UBE2D3: variants seen among roughly 807,000 people sequenced by gnomAD.
UBE2D3 encodes ubiquitin conjugating enzyme E2 D3, also known as ubiquitin-conjugating enzyme E2 D3.
In UBE2D3, 2 loss-of-function variants were observed where a neutral mutation model predicts 22.8. That is an observed-to-expected ratio of 0.09 (90% CI 0.04 to 0.28). The LOEUF is 0.28. Among genes scored for constraint, UBE2D3 ranks in the 10% least tolerant of loss-of-function variants. The pLI, the probability that UBE2D3 is intolerant of heterozygous loss-of-function variation, is 1.00. For missense variants in UBE2D3, 27 were observed against 182.5 expected (o/e 0.15, Z 4.91); for synonymous variants, 56 against 60.4 (o/e 0.93, Z 0.34).
At chr4:102,825,895 C>G in intron 2 of UBE2D3, 1 of 414,662 alleles carries the variant, frequency 2.4e-6, no homozygotes, top group South Asian at 1.7e-5. Flanking sequence ...TGTGTCATTC[C>G]ATCTCCTCCC....
chr4:102,860,835 G>A (rs1366173441), intron 1 of UBE2D3, among the ~76,000 whole-genome samples: 1 of 151,838 alleles, frequency 6.6e-6, no homozygotes. Flanking sequence ...TAGTGGGTGG[G>A]TGCATGGAGT....
chr4:102,852,924 C>G (rs997037535), intron 1 of UBE2D3, among the ~76,000 whole-genome samples: 1 of 152,076 alleles, frequency 6.6e-6, no homozygotes, highest in Non-Finnish European at 1.5e-5. Context: ...ACATTTTTCC[C>G]AGTCTGAAAA....
chr4:102,844,945 C>A (rs931902462), intron 1 of UBE2D3, among the ~76,000 whole-genome samples: 4 of 149,634 alleles, frequency 2.7e-5, no homozygotes, highest in Non-Finnish European at 4.4e-5. Flanking sequence ...TGGCGTGAAC[C>A]TGGGAGGCGG....
At chr4:102,851,672 GTTTT>G (rs11422292) in intron 1 of UBE2D3, among the ~76,000 whole-genome samples, 1 of 137,112 alleles carries the variant, frequency 7.3e-6, no homozygotes. Flanking sequence ...TTTGTTTTTT[GTTTT>G]TTTTTTTTGA....
intron 1 of UBE2D3, among the ~76,000 whole-genome samples, chr4:102,856,707 T>A (rs1369238365): frequency 6.6e-6 from 1 of 152,246 alleles, no homozygotes; most frequent in Non-Finnish European, 1.5e-5. Context: ...CTAGAAATGT[T>A]CTATGTATAA....
At chr4:102,808,693 G>C (rs1173865589) in intron 4 of UBE2D3, among the ~76,000 whole-genome samples, 1 of 152,100 alleles carries the variant, frequency 6.6e-6, no homozygotes, top group Non-Finnish European at 1.5e-5. Flanking sequence ...CTCTAATACA[G>C]TGTAAGTTCC....
intron 1 of UBE2D3, among the ~76,000 whole-genome samples, chr4:102,859,154 T>C (rs1732762591): frequency 6.6e-6 from 1 of 152,000 alleles, no homozygotes; most frequent in Non-Finnish European, 1.5e-5. Flanking sequence ...CATCTTTCCT[T>C]TTCTGAATGA....
At position 102,797,377 on chromosome 4, in the gene UBE2D3, C is replaced by T; in HGVS notation, c.*38G>A. ...AAGGAACAGTAATTTAAAGTTTATT[C>T]CAGCTATAATGCAGGTTATTCTGAC... On this transcript the variant is annotated 3_prime_UTR_variant, in exon 8 of 8. Coordinates refer to ENST00000453744, the MANE Select transcript of UBE2D3 (RefSeq NM_181891.3). The T allele has an allele frequency of 1.3e-6, 2 of 1,538,866 alleles. No individual in the cohort carries two copies. Among genetic ancestry groups the T allele is most frequent in the Non-Finnish European group, 8.8e-7 (1 of 1,131,382 alleles).
Position 102,822,830 on chromosome 4 carries a change from G to C in UBE2D3, c.24+3655C>G, listed in dbSNP as rs568524817. On this transcript the variant is annotated intron_variant, in intron 2 of 7. Coordinates refer to ENST00000453744, the MANE Select transcript of UBE2D3 (RefSeq NM_181891.3). ...GGGCGCCTGTAGTCCCAGCTACTCA[G>C]GAGGCTGAGGCAGGAGAATGGCGTG... Among the ~76,000 whole-genome samples, 6 of 152,318 alleles carry C rather than the reference G, an allele frequency of 3.9e-5. No individual in the cohort carries two copies. The South Asian group carries it at 8.3e-4, about 21-fold the overall frequency.
rs572931167 is a variant in UBE2D3, at chr4:102,799,595, A to C, written c.305-95T>G. ...TATTACAAAACTCAATCCTCAAAAG[A>C]CTTTTATTAGTTTGTATCTTTATCT... On this transcript the variant is annotated intron_variant, in intron 6 of 7. Transcript: ENST00000453744. The C allele has an allele frequency of 1.1e-3, 972 of 845,768 alleles. 3 individuals are homozygous for C. Among genetic ancestry groups the C allele is most frequent in the Middle Eastern group, 9.3e-3 (40 of 4,324 alleles). The allele number at this position is 845,768 out of a possible 1,614,324, so 52.4% of individuals were successfully genotyped here.
At chr4:102,828,209 C>T (rs1205370396), upstream of UBE2D3, 1 of 985,282 alleles carries the variant, frequency 1.0e-6, no homozygotes. Context: ...CAGACACAGC[C>T]TTGTCTCACG....
At chr4:102,817,413 T>A (rs1486271423) in intron 2 of UBE2D3, among the ~76,000 whole-genome samples, 2 of 152,216 alleles carry the variant, frequency 1.3e-5, no homozygotes, top group East Asian at 1.9e-4. Flanking sequence ...AGAGCTCATC[T>A]TCTCTGTTTT....
chr4:102,826,769 G>T, intron 1 of UBE2D3, 133 bp from the exon 2 acceptor site: 1 of 1,295,574 alleles, frequency 7.7e-7, no homozygotes, highest in Admixed American at 3.8e-5. Context: ...CCTCTGTACC[G>T]TGCTTTCGGC....
At chr4:102,809,492 A>AGTAC in intron 4 of UBE2D3, 180 bp downstream of exon 4, 1 of 668,280 alleles carries the variant, frequency 1.5e-6, no homozygotes. Context: ...ATAGACACAA[A>AGTAC]GTACACGTAA....
rs72931871 is a variant in UBE2D3, at chr4:102,825,368, A to C, written c.24+1117T>G. 4.3e-3 allele frequency: 4,386 copies of C among 1,009,484 alleles called. 115 individuals are homozygous for C. The African/African-American group carries it at 0.061, about 14-fold the overall frequency. 62.5% of individuals were successfully genotyped at this position (1,009,484 alleles called of 1,614,324 possible). Reference sequence around the variant, plus strand: ...ATCACACAAATACAAGTCACAAAAAAGGGAAATACAGTTTAAGAGTTTGAA... The same window carrying C: ...ATCACACAAATACAAGTCACAAAAACGGGAAATACAGTTTAAGAGTTTGAA... On this transcript the variant is annotated intron_variant, in intron 2 of 7. Transcript: ENST00000453744.
chr4:102,833,267 C>T (rs1384834619), intron 1 of UBE2D3, among the ~76,000 whole-genome samples: 1 of 151,980 alleles, frequency 6.6e-6, no homozygotes, highest in Non-Finnish European at 1.5e-5. Context: ...TCTCAGTTCT[C>T]TTACCACTTT....
At chr4:102,848,465 T>G (rs1732160213) in intron 1 of UBE2D3, among the ~76,000 whole-genome samples, 1 of 151,998 alleles carries the variant, frequency 6.6e-6, no homozygotes, top group Admixed American at 6.6e-5. Context: ...GCCAACGTGG[T>G]GAAACTCTAT....
intron 1 of UBE2D3, among the ~76,000 whole-genome samples, chr4:102,867,893 A>T (rs896465203): frequency 6.6e-6 from 1 of 151,906 alleles, no homozygotes; most frequent in African/African-American, 2.4e-5. Flanking sequence ...ACTTTCTTAA[A>T]ACTTTATGAA....
intron 2 of UBE2D3, among the ~76,000 whole-genome samples, chr4:102,823,405 A>G (rs190874956): frequency 2.0e-5 from 3 of 152,296 alleles, no homozygotes; most frequent in East Asian, 3.9e-4. Context: ...AGATCAAATG[A>G]GAGTTTTTTA....
Sources: gnomAD v4.1 joint callset for allele counts (sites outside exome capture counted in the v4.1 genomes callset) on GRCh38, gnomAD v4.1.1 for gene constraint, MANE v1.5 for transcripts, NCBI Gene and HGNC (gene_info 2026-07-23, HGNC 2026-07-21) for gene names.